The following GNGT1 variants were observed in gnomAD, a reference collection of about 807,000 sequenced individuals.
GNGT1 encodes the protein guanine nucleotide-binding protein G(T) subunit gamma-T1.
Under a neutral mutation model 7.4 loss-of-function variants are expected in GNGT1, and 4 were observed. The observed-to-expected ratio is 0.54, with a 90% CI of 0.27 to 1.24. The LOEUF (loss-of-function observed/expected upper bound fraction) is 1.24. GNGT1 is among the 50% of genes most tolerant of loss of function. GNGT1 has a pLI of 0.12. For missense variants in GNGT1, 95 were observed against 82.4 expected, an observed-to-expected ratio of 1.15 and a Z score of -0.59; for synonymous variants, 37 against 30.2, an observed-to-expected ratio of 1.23 and a Z score of -0.74.
chr7:93,911,149 A>G lies in GNGT1; in HGVS notation c.*231A>G, dbSNP rs1403337265. On this transcript the variant is annotated 3_prime_UTR_variant, in exon 3 of 3. Coordinates refer to ENST00000248572, the MANE Select transcript of GNGT1 (RefSeq NM_021955.5). Reference sequence around the variant, plus strand: ...ATAATTGCCAATAAATATTGCTTAAAGTTCTTTAAAAAGAACTATGTTTTA... The same window carrying G: ...ATAATTGCCAATAAATATTGCTTAAGGTTCTTTAAAAAGAACTATGTTTTA... 2.5e-5 allele frequency: 6 copies of G among 235,452 alleles called. No individual in the cohort carries two copies. In the East Asian group the frequency reaches 4.6e-4, roughly 18 times the overall value. 14.6% of individuals were successfully genotyped at this position (235,452 alleles called of 1,614,324 possible).
At chr7:93,908,645 T>C (rs146785986) in intron 2 of GNGT1, among the ~76,000 whole-genome samples, 8 of 151,360 alleles carry the variant, frequency 5.3e-5, no homozygotes, top group Non-Finnish European at 1.2e-4. Flanking sequence ...TATAGAAATA[T>C]TATTTCTCTA....
rs1759968208 is a variant in GNGT1, at chr7:93,911,263, C to T, written c.*345C>T. ...CCTTTCAACACTTACAATTTTCTAC[C>T]CAGAAATTGTATGGTTAAGTTTCTA... On this transcript the variant is annotated 3_prime_UTR_variant, in exon 3 of 3. Coordinates refer to ENST00000248572, the MANE Select transcript of GNGT1 (RefSeq NM_021955.5). 6.5e-6 allele frequency: 1 copy of T among 153,348 alleles called. No homozygotes were observed. Among genetic ancestry groups the T allele is most frequent in the Admixed American group, 6.5e-5 (1 of 15,290 alleles). The allele number at this position is 153,348 out of a possible 1,614,324, so 9.5% of individuals were successfully genotyped here. A position where few individuals can be genotyped will look rare whatever the true frequency, so the allele number is the denominator to read the frequency against.
intron 2 of GNGT1, 22 bp from the exon 3 acceptor site, chr7:93,910,768 T>A: frequency 6.4e-7 from 1 of 1,560,930 alleles, no homozygotes; most frequent in Non-Finnish European, 8.7e-7. Context: ...AAATGAGTCA[T>A]CCCTTTTTCC....
At chr7:93,907,053 G>T (rs1227049441) in intron 2 of GNGT1, among the ~76,000 whole-genome samples, 1 of 151,694 alleles carries the variant, frequency 6.6e-6, no homozygotes, top group African/African-American at 2.4e-5. Context: ...TTTTCCTCTG[G>T]CCAAGCCCAA....
At position 93,906,762 on chromosome 7, in the gene GNGT1, A is replaced by G. The variant is rs1278909168; in HGVS notation, c.16A>G (p.Ile6Val). The change falls in exon 2 of 3, where the codon ATT (isoleucine) becomes GTT (valine). Residue 6 changes from isoleucine to valine, a missense_variant. Physicochemically the swap from Ile to Val is conservative, Grantham distance 29. Transcript: ENST00000248572. MPVIN[I>V]EDLTEKDKLK... ...AGGCAAAAAGATGCCAGTAATCAAT[A>G]TTGAGGACCTGACAGAAAAGGACAA... is the stretch of plus-strand genomic sequence containing the variant. 6.2e-7 allele frequency: 1 copy of G among 1,602,436 alleles called. No homozygotes were observed. Among genetic ancestry groups the G allele is most frequent in the Non-Finnish European group, 8.5e-7 (1 of 1,172,690 alleles).
intron 2 of GNGT1, 70 bp from the exon 3 acceptor site, chr7:93,910,720 A>C (rs1263859179): frequency 1.7e-5 from 19 of 1,100,744 alleles, no homozygotes; most frequent in Non-Finnish European, 2.3e-5. Flanking sequence ...TATTGTAATA[A>C]ATAAATTCCT....
intron 2 of GNGT1, among the ~76,000 whole-genome samples, chr7:93,908,810 G>C (rs572849586): frequency 6.6e-6 from 1 of 151,894 alleles, no homozygotes; most frequent in Non-Finnish European, 1.5e-5. Context: ...TGGTTAATTG[G>C]ATATACTCTG....
chr7:93,907,094 A>T (rs1249835477), intron 2 of GNGT1, among the ~76,000 whole-genome samples: 1 of 151,898 alleles, frequency 6.6e-6, no homozygotes, highest in African/African-American at 2.4e-5. Context: ...GACCACAAAG[A>T]TAAGAATGCT....
intron 2 of GNGT1, chr7:93,910,011 T>A (rs1026665567): frequency 6.5e-6 from 1 of 153,366 alleles, no homozygotes; most frequent in African/African-American, 2.4e-5. Context: ...TGTGTATGTA[T>A]ATATATGTAT....
At chr7:93,909,624 G>A in intron 2 of GNGT1, 3 of 562,558 alleles carry the variant, frequency 5.3e-6, no homozygotes, top group Admixed American at 5.8e-5. Context: ...GAGGAAGAGG[G>A]AAAAAAGTGA....
chr7:93,909,497 C>T (rs199990517), intron 2 of GNGT1: 49 of 702,428 alleles, frequency 7.0e-5, no homozygotes, highest in Non-Finnish European at 1.0e-4. Context: ...CAGCCAGGCA[C>T]CTTCAAAACC....
Position 93,910,909 on chromosome 7 carries a change from G to C in GNGT1, c.216G>C (p.Val72=). 1 of 1,573,784 alleles carries C rather than the reference G, an allele frequency of 6.4e-7. No homozygotes were observed. The highest frequency in any genetic ancestry group is 8.6e-7 in the Non-Finnish European group (1 of 1,160,776). ...TCAAGGAGCTCAAAGGAGGCTGTGT[G>C]ATTTCATAATACAAACAAAAAGAAA... The part of the protein sequence containing the change: ...NPFKELKGGC[V]IS The change falls in exon 3 of 3, where the codon GTG becomes GTC. Residue 72 remains valine (V), a synonymous_variant. Transcript: ENST00000248572.
In GNGT1 at chr7:93,910,824, T is replaced by C; in HGVS notation, c.131T>C (p.Val44Ala). The C allele has an allele frequency of 1.9e-6, 3 of 1,605,842 alleles. No individual in the cohort carries two copies. The highest frequency in any genetic ancestry group is 2.6e-6 in the Non-Finnish European group (3 of 1,174,568). Reference protein sequence around the residue: ...SKCCEEVRDYVEERSGEDPLV... With the variant: ...SKCCEEVRDYAEERSGEDPLV... ...TGTTGTGAAGAAGTAAGAGATTACG[T>C]TGAAGAACGATCTGGCGAGGATCCA... is the stretch of plus-strand genomic sequence containing the variant. The change falls in exon 3 of 3, where the codon GTT becomes GCT. Residue 44 changes from valine to alanine, a missense_variant. Val to Ala is a moderately conservative substitution (Grantham distance 64, BLOSUM62 0). Transcript: ENST00000248572.
At chr7:93,906,997 AACT>A (rs774225050) in intron 2 of GNGT1, among the ~76,000 whole-genome samples, 155 bp downstream of exon 2, 6,446 of 152,066 alleles carry the variant, frequency 0.042, no homozygotes, top group Middle Eastern at 0.082. Context: ...AATCAATCAT[AACT>A]ATCTCTTGAT....
At chr7:93,910,512 C>G (rs1244205343) in intron 2 of GNGT1, 1 of 178,422 alleles carries the variant, frequency 5.6e-6, no homozygotes, top group Non-Finnish European at 1.2e-5. Context: ...TGTTGTGAAC[C>G]CTGGGTCTTG....
intron 2 of GNGT1, among the ~76,000 whole-genome samples, chr7:93,908,055 G>A (rs930480087): frequency 6.6e-6 from 1 of 152,092 alleles, no homozygotes; most frequent in African/African-American, 2.4e-5. Context: ...TGTAGGCAAG[G>A]TGATTGTCTT....
intron 2 of GNGT1, among the ~76,000 whole-genome samples, chr7:93,908,751 T>G (rs1794414918): frequency 6.6e-6 from 1 of 151,828 alleles, no homozygotes; most frequent in African/African-American, 2.4e-5. Flanking sequence ...TATGGTTAAG[T>G]GGATATACTC....
intron 2 of GNGT1, chr7:93,909,540 A>T: frequency 1.4e-6 from 1 of 701,540 alleles, no homozygotes; most frequent in Non-Finnish European, 2.6e-6. Context: ...TAAGGACAGC[A>T]AGTTACACCT....
rs1295912443 is a variant in GNGT1 at position 93,909,870 on chromosome 7, G to A, written c.97-920G>A. 6 of 181,720 alleles carry A rather than the reference G, an allele frequency of 3.3e-5. No homozygotes were observed. The Admixed American group carries it at 3.6e-4, about 11-fold the overall frequency. The allele number at this position is 181,720 out of a possible 1,614,324, so 11.3% of individuals were successfully genotyped here. ...TGAAAAAAAAAAAAACAGTAAATTGGTTAAATGACTTATGGAATGGCCACT... is the reference window on the plus strand; with the variant it reads ...TGAAAAAAAAAAAAACAGTAAATTGATTAAATGACTTATGGAATGGCCACT... On this transcript the variant is annotated intron_variant, in intron 2 of 2. Coordinates refer to ENST00000248572, the MANE Select transcript of GNGT1 (RefSeq NM_021955.5).
Sources: gnomAD v4.1 joint callset for allele counts (sites outside exome capture counted in the v4.1 genomes callset) on GRCh38, gnomAD v4.1.1 for gene constraint, MANE v1.5 for transcripts, NCBI Gene and HGNC (gene_info 2026-07-23, HGNC 2026-07-21) for gene names.